ROBO1: variants seen among roughly 807,000 people sequenced by gnomAD.
ROBO1 encodes roundabout guidance receptor 1.
In ROBO1, 149 loss-of-function variants were observed where a neutral mutation model predicts 195.9. That is an observed-to-expected ratio of 0.76 (90% confidence interval 0.67 to 0.87). ROBO1 has a LOEUF of 0.87. Ranked by LOEUF, ROBO1 falls within the 40% of genes least tolerant of loss-of-function variation. The pLI, the probability that ROBO1 is intolerant of heterozygous loss-of-function variation, is 0.00. For missense variants in ROBO1, 1,933 were observed against 2,068.3 expected, an observed-to-expected ratio of 0.93 and a Z score of 1.27; for synonymous variants, 816 against 733.2, an observed-to-expected ratio of 1.11 and a Z score of -1.82.
At chr3:79,161,172 A>G (rs947862095) in intron 2 of ROBO1, among the ~76,000 whole-genome samples, 1 of 152,058 alleles carries the variant, frequency 6.6e-6, no homozygotes, top group African/African-American at 2.4e-5. Context: ...GATTTAGCAA[A>G]TGGCAGAAGG....
intron 2 of ROBO1, among the ~76,000 whole-genome samples, chr3:79,573,353 G>A (rs919982037): frequency 6.6e-6 from 1 of 151,944 alleles, no homozygotes; most frequent in South Asian, 2.1e-4. Flanking sequence ...ATTTTTTAAG[G>A]GTTGAGTAAA....
intron 2 of ROBO1, among the ~76,000 whole-genome samples, chr3:79,462,169 G>A (rs1375200573): frequency 1.3e-5 from 2 of 152,082 alleles, no homozygotes; most frequent in African/African-American, 2.4e-5. Flanking sequence ...TCCAAGATGA[G>A]AACCCTCATT....
intron 1 of ROBO1, among the ~76,000 whole-genome samples, chr3:79,733,632 C>A (rs950999436): frequency 1.3e-5 from 2 of 152,136 alleles, no homozygotes; most frequent in African/African-American, 4.8e-5. Context: ...TCCCACCATC[C>A]TCTTCACTTC....
chr3:79,136,340 A>G (rs2080408584), intron 2 of ROBO1, among the ~76,000 whole-genome samples: 2 of 152,314 alleles, frequency 1.3e-5, no homozygotes, highest in South Asian at 2.1e-4. Context: ...TAATAAAAAC[A>G]TAAAAGCTTC....
chr3:78,845,014 T>G (rs1375117451), intron 4 of ROBO1, among the ~76,000 whole-genome samples: 1 of 152,022 alleles, frequency 6.6e-6, no homozygotes, highest in Non-Finnish European at 1.5e-5. Context: ...TCTTGTAGAT[T>G]GAAGAAAAAA....
intron 1 of ROBO1, among the ~76,000 whole-genome samples, chr3:79,734,625 T>G (rs923877370): frequency 1.3e-5 from 2 of 152,176 alleles, no homozygotes; most frequent in Admixed American, 1.3e-4. Context: ...TAGAGCTTAG[T>G]AAAACAAAAC....
At chr3:78,717,197 C>T (rs1286943807) in intron 7 of ROBO1, 78 bp downstream of exon 7, 2 of 1,430,984 alleles carry the variant, frequency 1.4e-6, no homozygotes, top group Non-Finnish European at 1.9e-6. Context: ...ATTCTAATGG[C>T]CCGGATGTGG....
rs532455831 is a variant in ROBO1, at chr3:79,282,732, G to A, written c.89-157193C>T. Among the ~76,000 whole-genome samples, 5 of 152,278 alleles carry A rather than the reference G, an allele frequency of 3.3e-5. No individual in the cohort carries two copies. In the South Asian group the frequency reaches 1.0e-3, roughly 32 times the overall value. On this transcript the variant is annotated intron_variant, in intron 2 of 30. Coordinates refer to ENST00000464233, the MANE Select transcript of ROBO1 (RefSeq NM_002941.4). ...TCTGCCTCAGAGGATATGGCTGGCA[G>A]GAAAGGAATATATATTTCAACTAGT... is the stretch of plus-strand genomic sequence containing the variant.
At chr3:78,723,859 C>A (rs2082100103) in intron 5 of ROBO1, among the ~76,000 whole-genome samples, 3 of 152,116 alleles carry the variant, frequency 2.0e-5, no homozygotes, top group African/African-American at 4.8e-5. Context: ...TTAGATAATA[C>A]AAATAATATT....
At chr3:79,659,063 T>C (rs1946252679) in intron 1 of ROBO1, among the ~76,000 whole-genome samples, 1 of 152,034 alleles carries the variant, frequency 6.6e-6, no homozygotes, top group Non-Finnish European at 1.5e-5. Context: ...ACATGTTCAA[T>C]TAACGTAGCA....
chr3:79,352,269 AC>A (rs1207455165), intron 2 of ROBO1, among the ~76,000 whole-genome samples: 5 of 152,128 alleles, frequency 3.3e-5, no homozygotes, highest in Non-Finnish European at 5.9e-5. Context: ...CTGTTCTCCC[AC>A]CTTTACTTAC....
At chr3:79,493,615 GT>G (rs1197677703) in intron 2 of ROBO1, among the ~76,000 whole-genome samples, 1 of 151,838 alleles carries the variant, frequency 6.6e-6, no homozygotes, top group African/African-American at 2.4e-5. Context: ...TTGAAAAAAG[GT>G]TTTTTATTTT....
chr3:78,947,555 C>T (rs1306883751), intron 3 of ROBO1, among the ~76,000 whole-genome samples: 2 of 152,062 alleles, frequency 1.3e-5, no homozygotes, highest in Non-Finnish European at 2.9e-5. Context: ...GCACTAAATG[C>T]CCACAAGGAA....
At chr3:79,045,706 C>G (rs1468978808) in intron 3 of ROBO1, among the ~76,000 whole-genome samples, 1 of 152,006 alleles carries the variant, frequency 6.6e-6, no homozygotes, top group Non-Finnish European at 1.5e-5. Flanking sequence ...AATATATCAA[C>G]AAACCAACAA....
chr3:78,727,673 A>G (rs567788093), intron 5 of ROBO1, among the ~76,000 whole-genome samples: 1 of 152,318 alleles, frequency 6.6e-6, no homozygotes, highest in Non-Finnish European at 1.5e-5. Context: ...TTTGTTAACT[A>G]TGGTTTAATT....
At chr3:79,060,576 T>C (rs973610969) in intron 3 of ROBO1, among the ~76,000 whole-genome samples, 7 of 151,820 alleles carry the variant, frequency 4.6e-5, no homozygotes, top group African/African-American at 7.2e-5. Context: ...AGTTGAAATA[T>C]TGGGGGCTGG....
intron 3 of ROBO1, among the ~76,000 whole-genome samples, chr3:78,969,844 AC>A (rs1297315625): frequency 2.6e-5 from 4 of 152,194 alleles, no homozygotes; most frequent in Non-Finnish European, 5.9e-5. Context: ...TAATTGAAGA[AC>A]CTGGTTTTTG....
intron 2 of ROBO1, among the ~76,000 whole-genome samples, chr3:79,258,274 A>AT (rs757435211): frequency 6.6e-6 from 1 of 152,048 alleles, no homozygotes; most frequent in African/African-American, 2.4e-5. Context: ...GCTATCAATT[A>AT]TTTTTTTCTC....
intron 10 of ROBO1, among the ~76,000 whole-genome samples, chr3:78,677,954 C>A (rs1239788048): frequency 4.6e-5 from 7 of 151,652 alleles, no homozygotes; most frequent in African/African-American, 1.7e-4. Flanking sequence ...TGTAAAAGAA[C>A]AGAAATTATA....
Sources: gnomAD v4.1 joint callset for allele counts (sites outside exome capture counted in the v4.1 genomes callset) on GRCh38, gnomAD v4.1.1 for gene constraint, MANE v1.5 for transcripts, NCBI Gene and HGNC (gene_info 2026-07-23, HGNC 2026-07-21) for gene names.